NKAIN3: variants seen among roughly 807,000 people sequenced by gnomAD.
NKAIN3 encodes the protein sodium/potassium transporting ATPase interacting 3, also known as sodium/potassium-transporting ATPase subunit beta-1-interacting protein 3.
A neutral mutation model predicts 30.2 loss-of-function variants in NKAIN3; 25 were observed. The ratio of observed to expected loss-of-function variants is 0.83; its 90% CI spans 0.60 to 1.16. The LOEUF (loss-of-function observed/expected upper bound fraction) is 1.16, where lower values mean the gene tolerates loss of function less well. Ranked by LOEUF, NKAIN3 falls within the 50% of genes most tolerant of loss-of-function variation. NKAIN3 has a pLI of 0.00. For synonymous variants in NKAIN3, 91 were observed against 89.6 expected (o/e 1.02, Z -0.09); for missense variants, 225 against 254.1 (o/e 0.89, Z 0.78).
At chr8:62,415,400 A>C (rs537670319) in intron 1 of NKAIN3, among the ~76,000 whole-genome samples, 9 of 149,836 alleles carry the variant, frequency 6.0e-5, no homozygotes, top group African/African-American at 2.2e-4. Context: ...TTGCTAAATA[A>C]ATAGTAATTC....
At chr8:62,991,586 AT>A (rs1824321562) in intron 5 of NKAIN3, among the ~76,000 whole-genome samples, 1 of 152,152 alleles carries the variant, frequency 6.6e-6, no homozygotes, top group South Asian at 2.1e-4. Flanking sequence ...CACAAAAGAC[AT>A]TTTTGCTTCC....
intron 3 of NKAIN3, among the ~76,000 whole-genome samples, chr8:62,647,460 G>A (rs1425808070): frequency 6.6e-6 from 1 of 152,166 alleles, no homozygotes; most frequent in Non-Finnish European, 1.5e-5. Context: ...CTCTGATTAA[G>A]TGCTTTAAGT....
intron 1 of NKAIN3, among the ~76,000 whole-genome samples, chr8:62,472,188 T>C (rs924898573): frequency 6.6e-6 from 1 of 152,170 alleles, no homozygotes; most frequent in African/African-American, 2.4e-5. Context: ...CGGTTACAGA[T>C]TTGATTCAAC....
At chr8:62,828,807 T>C (rs770798363) in intron 4 of NKAIN3, among the ~76,000 whole-genome samples, 60 of 152,122 alleles carry the variant, frequency 3.9e-4, no homozygotes, top group Non-Finnish European at 1.0e-4. Flanking sequence ...AGCAGCTCCG[T>C]AGATAATCTC....
intron 3 of NKAIN3, among the ~76,000 whole-genome samples, chr8:62,632,266 T>G (rs1419310489): frequency 6.6e-6 from 1 of 152,164 alleles, no homozygotes; most frequent in Non-Finnish European, 1.5e-5. Flanking sequence ...TAATATAATC[T>G]GCTAATATGA....
rs1389304563 is a variant in NKAIN3 at position 62,788,141 on chromosome 8, TAC to T, written c.471+41014_471+41015del. On this transcript the variant is annotated intron_variant, in intron 4 of 6. Coordinates refer to ENST00000623646, the MANE Select transcript of NKAIN3 (RefSeq NM_001304533.3). Reference sequence around the variant, plus strand: ...GACTTCCACAAAGGTTGAACTAGTTTACAGTCTCACCAACAGTGTAAAAGTGT... The same window carrying T: ...GACTTCCACAAAGGTTGAACTAGTTTAGTCTCACCAACAGTGTAAAAGTGT... Among the ~76,000 whole-genome samples, 4 of 152,208 alleles carry T rather than the reference TAC, an allele frequency of 2.6e-5. No individual in the cohort carries two copies. The East Asian group carries it at 7.7e-4, about 29-fold the overall frequency.
chr8:62,400,379 C>T (rs1273249184), intron 1 of NKAIN3, among the ~76,000 whole-genome samples: 2 of 151,970 alleles, frequency 1.3e-5, no homozygotes, highest in Non-Finnish European at 2.9e-5. Flanking sequence ...TCCATGCTGG[C>T]CAGGCTGGTC....
chr8:62,320,891 T>C (rs1413457239), intron 1 of NKAIN3, among the ~76,000 whole-genome samples: 2 of 152,200 alleles, frequency 1.3e-5, no homozygotes, highest in Non-Finnish European at 2.9e-5. Flanking sequence ...CCTTGCTAGA[T>C]TGGGGAAGTT....
At chr8:62,414,955 T>C (rs1333660403) in intron 1 of NKAIN3, among the ~76,000 whole-genome samples, 1 of 150,482 alleles carries the variant, frequency 6.6e-6, no homozygotes, top group South Asian at 2.1e-4. Context: ...GAAACTCATG[T>C]ATTTTGAGTT....
intron 1 of NKAIN3, among the ~76,000 whole-genome samples, chr8:62,299,618 A>C (rs1267136738): frequency 6.6e-6 from 1 of 152,084 alleles, no homozygotes; most frequent in Non-Finnish European, 1.5e-5. Flanking sequence ...AGTTTTAGAG[A>C]AATACACATT....
At chr8:62,736,974 G>T (rs1563538468) in intron 3 of NKAIN3, among the ~76,000 whole-genome samples, 3 of 152,112 alleles carry the variant, frequency 2.0e-5, no homozygotes, top group Admixed American at 1.3e-4. Context: ...GGACCTTCAG[G>T]TTCCCCAGTG....
At chr8:62,685,463 C>T (rs1406735031) in intron 3 of NKAIN3, among the ~76,000 whole-genome samples, 1 of 152,154 alleles carries the variant, frequency 6.6e-6, no homozygotes, top group Non-Finnish European at 1.5e-5. Flanking sequence ...ACTTCTGAAC[C>T]ACTTGCTTGG....
intron 1 of NKAIN3, among the ~76,000 whole-genome samples, chr8:62,481,903 A>C (rs1257006114): frequency 6.6e-6 from 1 of 152,332 alleles, no homozygotes; most frequent in African/African-American, 2.4e-5. Context: ...TTACCGAATG[A>C]ATCTATGCTG....
intron 1 of NKAIN3, among the ~76,000 whole-genome samples, chr8:62,542,921 G>T (rs1042245100): frequency 6.6e-6 from 1 of 152,164 alleles, no homozygotes; most frequent in Non-Finnish European, 1.5e-5. Flanking sequence ...CAGTACACTG[G>T]CTACCTAAAA....
At chr8:62,673,934 A>G (rs1813390664) in intron 3 of NKAIN3, among the ~76,000 whole-genome samples, 1 of 152,214 alleles carries the variant, frequency 6.6e-6, no homozygotes, top group East Asian at 1.9e-4. Flanking sequence ...AAACCTAGAA[A>G]TCACCTGTGA....
chr8:62,340,690 T>C (rs73684955), intron 1 of NKAIN3, among the ~76,000 whole-genome samples: 5,947 of 152,062 alleles, frequency 0.039, 424 homozygotes, highest in African/African-American at 0.14. Context: ...GGAATCTTGC[T>C]AAACTGACAT....
intron 1 of NKAIN3, among the ~76,000 whole-genome samples, chr8:62,283,854 A>ATGTGTG (rs1230703752): frequency 6.6e-6 from 1 of 152,130 alleles, no homozygotes; most frequent in Non-Finnish European, 1.5e-5. Flanking sequence ...ACTTTCAAAA[A>ATGTGTG]ATTTACAGTA....
At chr8:62,430,947 T>C (rs748629490) in intron 1 of NKAIN3, among the ~76,000 whole-genome samples, 1 of 151,840 alleles carries the variant, frequency 6.6e-6, no homozygotes, top group South Asian at 2.1e-4. Flanking sequence ...AGGAAAGTAT[T>C]ATAGGCATAG....
chr8:62,512,168 G>A (rs1369993885), intron 1 of NKAIN3, among the ~76,000 whole-genome samples: 1 of 152,116 alleles, frequency 6.6e-6, no homozygotes, highest in Non-Finnish European at 1.5e-5. Context: ...ACCTTGAAGA[G>A]TTTTTATCTA....
Sources: gnomAD v4.1 joint callset for allele counts (sites outside exome capture counted in the v4.1 genomes callset) on GRCh38, gnomAD v4.1.1 for gene constraint, MANE v1.5 for transcripts, NCBI Gene and HGNC (gene_info 2026-07-23, HGNC 2026-07-21) for gene names.